RHBDF2: variants seen among roughly 807,000 people sequenced by gnomAD.
RHBDF2 encodes rhomboid 5 homolog 2, also known as inactive rhomboid protein 2.
In RHBDF2, 38 loss-of-function variants were observed where a neutral mutation model predicts 95.2. That is an observed-to-expected ratio of 0.40 (90% CI 0.31 to 0.52). RHBDF2 has a LOEUF of 0.52. Ranked by LOEUF, RHBDF2 falls within the 20% of genes least tolerant of loss-of-function variation. The probability of loss-of-function intolerance (pLI) is 0.56; values close to 1 mark genes in which losing one functional copy is unlikely to be tolerated. For synonymous variants in RHBDF2, 442 were observed against 462.0 expected, an observed-to-expected ratio of 0.96 and a Z score of 0.55; for missense variants, 863 against 1,137.7, an observed-to-expected ratio of 0.76 and a Z score of 3.47.
At chr17:76,475,199 G>A (rs935378304) in intron 9 of RHBDF2, 58 bp from the exon 10 acceptor site, 9 of 1,262,138 alleles carry the variant, frequency 7.1e-6, no homozygotes, top group Admixed American at 2.0e-5. Flanking sequence ...CCCCAGTCCC[G>A]GCCACAGGGC....
rs867677508 is a variant in RHBDF2 at position 76,497,973 on chromosome 17, G to A, written c.-220+3380C>T. Among the ~76,000 whole-genome samples the A allele has an allele frequency of 5.3e-5, 8 of 152,190 alleles. No individual in the cohort carries two copies. In the South Asian group the frequency reaches 6.2e-4, roughly 12 times the overall value. On this transcript the variant is annotated intron_variant, in intron 1 of 18. Transcript: ENST00000675367. ...CTGCAGGAGCCGGGCACTGGGGCTG[G>A]AACTGCCTTCCAGTAGCTTTTGGAC...
At position 76,494,721 on chromosome 17, in the gene RHBDF2, C is replaced by T. The variant is rs59831778; in HGVS notation, c.-220+6632G>A. Among the ~76,000 whole-genome samples, 976 of 152,330 alleles carry T rather than the reference C, an allele frequency of 6.4e-3. 8 individuals carry two copies. The highest frequency in any genetic ancestry group is 0.022 in the African/African-American group (910 of 41,552). ...GAGCCGAGATCACGCCACTGCACTC[C>T]AGCCTGGGCGACAGAGCAAGACTCC... On this transcript the variant is annotated intron_variant, in intron 1 of 18. Coordinates refer to ENST00000675367, the MANE Select transcript of RHBDF2 (RefSeq NM_001005498.4).
chr17:76,471,948 G>A lies in RHBDF2; in HGVS notation c.2169C>T (p.Leu723=). The change falls in exon 19 of 19, where the codon CTC becomes CTT. Residue 723 remains leucine (L), a synonymous_variant. Transcript: ENST00000675367. The part of the protein sequence containing the change: ...LERPWKAFLN[L]SAIVLFLFIC... ...TGAACAGGAAGAGCACGATGGCCGA[G>A]AGGTTGAGGAAGGCCTTCCAGGGCC... 1.3e-6 allele frequency: 2 copies of A among 1,571,010 alleles called. No individual in the cohort carries two copies. The highest frequency in any genetic ancestry group is 1.7e-6 in the Non-Finnish European group (2 of 1,157,876).
intron 1 of RHBDF2, among the ~76,000 whole-genome samples, chr17:76,492,591 A>T (rs1471002355): frequency 3.3e-5 from 5 of 152,246 alleles, no homozygotes; most frequent in African/African-American, 1.2e-4. Context: ...ACGCGGGCCC[A>T]GCCCACTGCC....
chr17:76,497,309 C>G (rs2074450563), intron 1 of RHBDF2, among the ~76,000 whole-genome samples: 1 of 152,114 alleles, frequency 6.6e-6, no homozygotes, highest in Non-Finnish European at 1.5e-5. Flanking sequence ...AGCTGCCCCC[C>G]ACCCCACTGT....
chr17:76,481,605 C>G, intron 2 of RHBDF2, 60 bp from the exon 3 acceptor site: 2 of 1,480,622 alleles, frequency 1.4e-6, no homozygotes, highest in Non-Finnish European at 1.8e-6. Context: ...TGTCAGGACC[C>G]TGACGCCAGG....
chr17:76,479,527 A>G (rs2073881926), intron 4 of RHBDF2: 1 of 749,234 alleles, frequency 1.3e-6, no homozygotes, highest in Non-Finnish European at 2.3e-6. Context: ...GAAGCCCCCC[A>G]GCCTCCACAC....
intron 1 of RHBDF2, among the ~76,000 whole-genome samples, chr17:76,496,928 A>AT (rs1341904174): frequency 1.3e-5 from 2 of 151,730 alleles, no homozygotes; most frequent in African/African-American, 4.8e-5. Context: ...CACCTGGCTA[A>AT]TTTTTTTGTA....
rs1287357466 is a variant in RHBDF2 at position 76,477,285 on chromosome 17, G to A, written c.815C>T (p.Ser272Phe). Reference sequence around the variant, plus strand: ...GGACTCAAAGACATCATCAGGCATGGAGCTCATTTCTTCCTGGGGTGGGGG... The same window carrying A: ...GGACTCAAAGACATCATCAGGCATGAAGCTCATTTCTTCCTGGGGTGGGGG... ...SSFFSKEEMSSMPDDVFESPP... is the reference protein window; with the variant it reads ...SSFFSKEEMSFMPDDVFESPP... The change falls in exon 8 of 19, where the codon TCC (serine) becomes TTC (phenylalanine). Residue 272 changes from serine to phenylalanine, a missense_variant. Around this residue, in one of 2 missense-constraint regions of RHBDF2, gnomAD observed 611 missense variants for 725.5 expected, o/e 0.84. Transcript: ENST00000675367. 1.2e-6 allele frequency: 2 copies of A among 1,611,952 alleles called. No homozygotes were observed. Among genetic ancestry groups the A allele is most frequent in the African/African-American group, 1.3e-5 (1 of 74,892 alleles).
chr17:76,476,996 C>T lies in RHBDF2; in HGVS notation c.949G>A (p.Gly317Arg), dbSNP rs144817869. The T allele has an allele frequency of 2.0e-4, 328 of 1,613,832 alleles. No homozygotes were observed. Among genetic ancestry groups the T allele is most frequent in the Non-Finnish European group, 2.6e-4 (301 of 1,180,020 alleles). Residue 317 changes from glycine (G) to arginine (R), a missense_variant, in exon 9 of 19, where the codon GGG becomes AGG. Around this residue, in one of 2 missense-constraint regions of RHBDF2, gnomAD observed 611 missense variants for 725.5 expected, o/e 0.84. Coordinates refer to ENST00000675367, the MANE Select transcript of RHBDF2 (RefSeq NM_001005498.4). ...LKEYGRAPVP[G>R]PRRGKRIASK... Reference sequence around the variant, plus strand: ...GCGATGCGCTTGCCGCGCCGGGGCCCGGGGACTGGGGCTCGGCCATACTCC... The same window carrying T: ...GCGATGCGCTTGCCGCGCCGGGGCCTGGGGACTGGGGCTCGGCCATACTCC...
intron 7 of RHBDF2, 61 bp downstream of exon 7, chr17:76,477,596 C>A: frequency 6.4e-7 from 1 of 1,562,618 alleles, no homozygotes; most frequent in South Asian, 1.1e-5. Context: ...ATGCCAAGGT[C>A]ACCTCACCCA....
chr17:76,474,753 TCTC>T lies in RHBDF2; in HGVS notation c.1276_1278del (p.Glu426del), dbSNP rs2073710950. On this transcript the variant is annotated inframe_deletion, in exon 11 of 19. Transcript: ENST00000675367. ...ACCGAGCTGGGGCCAACCCAGAAGT[TCTC>T]CTGCTGGATGTACTTCACGCTCTCG... 1.2e-6 allele frequency: 2 copies of T among 1,614,076 alleles called. No individual in the cohort carries two copies. The highest frequency in any genetic ancestry group is 1.7e-6 in the Non-Finnish European group (2 of 1,179,986).
chr17:76,481,236 G>T, intron 3 of RHBDF2, 139 bp downstream of exon 3: 1 of 964,096 alleles, frequency 1.0e-6, no homozygotes, highest in Non-Finnish European at 1.5e-6. Context: ...AGGGGGTAGG[G>T]CCCGAGTCAA....
In RHBDF2 at chr17:76,474,746, CAGA is replaced by C; in HGVS notation, c.1283_1285del (p.Phe428del). 1.2e-6 allele frequency: 2 copies of C among 1,614,188 alleles called. No homozygotes were observed. Among genetic ancestry groups the C allele is most frequent in the Non-Finnish European group, 1.7e-6 (2 of 1,180,016 alleles). On this transcript the variant is annotated inframe_deletion, in exon 11 of 19. Coordinates refer to ENST00000675367, the MANE Select transcript of RHBDF2 (RefSeq NM_001005498.4). ...GGCCCTCACCGAGCTGGGGCCAACC[CAGA>C]AGTTCTCCTGCTGGATGTACTTCAC...
intron 2 of RHBDF2, chr17:76,481,751 G>A (rs537598010): frequency 3.4e-5 from 14 of 410,854 alleles, no homozygotes; most frequent in Non-Finnish European, 4.1e-5. Context: ...TCAGGAGATC[G>A]AGACCATCCT....
At position 76,474,434 on chromosome 17, in the gene RHBDF2, G is replaced by A. The variant is rs2073697881; in HGVS notation, c.1403C>T (p.Ser468Leu). The A allele has an allele frequency of 6.2e-7, 1 of 1,614,054 alleles. No individual in the cohort carries two copies. The highest frequency in any genetic ancestry group is 8.5e-7 in the Non-Finnish European group (1 of 1,180,002). ...VLRERDLERD[S>L]GCCVQNDHSG... ...GTGGTCATTCTGGACACAGCAGCCTGAGTCCCGCTCCAGGTCTCGCTCGCG... is the reference window on the plus strand; with the variant it reads ...GTGGTCATTCTGGACACAGCAGCCTAAGTCCCGCTCCAGGTCTCGCTCGCG... Residue 468 changes from serine to leucine, a missense_variant, in exon 12 of 19, where the codon TCA becomes TTA. Ser to Leu is a moderately radical substitution (Grantham distance 145, BLOSUM62 -2). This residue lies in a region of RHBDF2 where 611 missense variants were observed against 725.5 expected (regional missense o/e 0.84). Coordinates refer to ENST00000675367, the MANE Select transcript of RHBDF2 (RefSeq NM_001005498.4).
intron 1 of RHBDF2, among the ~76,000 whole-genome samples, chr17:76,499,318 C>T (rs758711495): frequency 1.3e-5 from 2 of 152,082 alleles, no homozygotes; most frequent in Non-Finnish European, 2.9e-5. Context: ...GCGAGGTGGC[C>T]CCAGCTCCTG....
chr17:76,481,952 AACACACACACACACACACACACAC>A (rs563875703), intron 2 of RHBDF2: 1 of 129,330 alleles, frequency 7.7e-6, no homozygotes, highest in Non-Finnish European at 1.5e-5. Flanking sequence ...TCTGTCTGAA[AACACACACACACACACACACACAC>A]ACACACACAC....
chr17:76,480,647 A>T (rs939564301), intron 3 of RHBDF2, among the ~76,000 whole-genome samples: 1 of 152,150 alleles, frequency 6.6e-6, no homozygotes, highest in Non-Finnish European at 1.5e-5. Context: ...CAGCCTCCCA[A>T]AGTGATGAGA....
Sources: allele counts gnomAD v4.1 joint callset (sites outside exome capture counted in the v4.1 genomes callset), GRCh38; gene constraint gnomAD v4.1.1; regional missense constraint gnomAD v4.1.1; transcripts MANE v1.5; gene names NCBI Gene and HGNC (gene_info 2026-07-23, HGNC 2026-07-21).